The following NCBP1 variants were observed in gnomAD, a reference collection of about 807,000 sequenced individuals.
NCBP1 encodes the protein nuclear cap binding protein subunit 1, also known as nuclear cap-binding protein subunit 1.
In NCBP1, 16 loss-of-function variants were observed where a neutral mutation model predicts 111.7. That is an observed-to-expected ratio of 0.14 (90% confidence interval 0.10 to 0.22). NCBP1 has a LOEUF of 0.22. NCBP1 is among the 10% of genes least tolerant of loss of function. The pLI, the probability that NCBP1 is intolerant of heterozygous loss-of-function variation, is 1.00. For missense variants in NCBP1, 607 were observed against 957.5 expected, an observed-to-expected ratio of 0.63 and a Z score of 4.83; for synonymous variants, 304 against 314.3, an observed-to-expected ratio of 0.97 and a Z score of 0.35.
chr9:97,639,435 A>C (rs1052333800), intron 1 of NCBP1, among the ~76,000 whole-genome samples: 1 of 152,210 alleles, frequency 6.6e-6, no homozygotes, highest in African/African-American at 2.4e-5. Context: ...GAATCACCAT[A>C]CATCATTTTC....
chr9:97,661,091 T>C, intron 16 of NCBP1, 23 bp downstream of exon 16: 2 of 1,609,958 alleles, frequency 1.2e-6, no homozygotes, highest in Non-Finnish European at 1.7e-6. Context: ...CAGTATTTCT[T>C]AAGTGGAACT....
intron 1 of NCBP1, among the ~76,000 whole-genome samples, chr9:97,636,662 AT>A (rs1827048531): frequency 7.0e-6 from 1 of 143,686 alleles, no homozygotes; most frequent in African/African-American, 2.5e-5. Flanking sequence ...ATATATATAT[AT>A]ATATATATAT....
chr9:97,666,925 A>G, intron 20 of NCBP1, 48 bp downstream of exon 20: 1 of 1,296,602 alleles, frequency 7.7e-7, no homozygotes, highest in Non-Finnish European at 1.1e-6. Context: ...TATACCAGAA[A>G]CTCTGGAGAG....
chr9:97,650,423 A>C lies in NCBP1; in HGVS notation c.898-80A>C, dbSNP rs1587709857. 6 of 1,027,592 alleles carry C rather than the reference A, an allele frequency of 5.8e-6. No individual in the cohort carries two copies. The East Asian group carries it at 1.5e-4, about 25-fold the overall frequency. 63.7% of individuals were successfully genotyped at this position (1,027,592 alleles called of 1,614,324 possible). Reference sequence around the variant, plus strand: ...CCCAGTTTAGTGCTTGGAACATAATAGTCTCTCAAATATTTGTTGAATAAG... The same window carrying C: ...CCCAGTTTAGTGCTTGGAACATAATCGTCTCTCAAATATTTGTTGAATAAG... On this transcript the variant is annotated intron_variant, in intron 8 of 22. Coordinates refer to ENST00000375147, the MANE Select transcript of NCBP1 (RefSeq NM_002486.5).
chr9:97,651,914 C>A (rs1211808398), intron 10 of NCBP1, among the ~76,000 whole-genome samples: 1 of 151,988 alleles, frequency 6.6e-6, no homozygotes, highest in Non-Finnish European at 1.5e-5. Flanking sequence ...TTAACTCATA[C>A]AAAAGGTTGA....
intron 2 of NCBP1, among the ~76,000 whole-genome samples, chr9:97,641,336 T>C (rs764445639): frequency 6.6e-6 from 1 of 152,134 alleles, no homozygotes; most frequent in Non-Finnish European, 1.5e-5. Context: ...TGAATTGATT[T>C]ATACTAAACC....
chr9:97,658,307 T>C (rs57940370), intron 14 of NCBP1, among the ~76,000 whole-genome samples: 3,664 of 152,326 alleles, frequency 0.024, 135 homozygotes, highest in East Asian at 0.13. Context: ...TTGGCTTCCA[T>C]TATCCTCAAT....
chr9:97,669,976 TCA>T (rs1828135074), intron 22 of NCBP1: 2 of 471,300 alleles, frequency 4.2e-6, no homozygotes, highest in Admixed American at 6.2e-5. Context: ...AGGCTGGAGT[TCA>T]GTGACACGAT....
chr9:97,669,344 G>T (rs555488027), intron 21 of NCBP1, among the ~76,000 whole-genome samples: 1 of 152,068 alleles, frequency 6.6e-6, no homozygotes, highest in Non-Finnish European at 1.5e-5. Context: ...TAGATTCCAG[G>T]AAGTAATATT....
intron 4 of NCBP1, among the ~76,000 whole-genome samples, chr9:97,644,823 A>G (rs1172651424): frequency 6.6e-6 from 1 of 152,238 alleles, no homozygotes; most frequent in African/African-American, 2.4e-5. Context: ...GCAACCATAG[A>G]CAATATGTAA....
chr9:97,651,005 G>A (rs922614739), intron 9 of NCBP1, among the ~76,000 whole-genome samples: 1 of 151,966 alleles, frequency 6.6e-6, no homozygotes, highest in African/African-American at 2.4e-5. Flanking sequence ...AGGTGGAAAT[G>A]AATATAGTAT....
rs1434178131 is a variant in NCBP1 at position 97,673,642 on chromosome 9, T to G, written c.*2443T>G. The G allele has an allele frequency of 6.6e-6, 1 of 152,212 alleles. No individual in the cohort carries two copies. The highest frequency in any genetic ancestry group is 2.4e-5 in the African/African-American group (1 of 41,448). 9.4% of individuals were successfully genotyped at this position (152,212 alleles called of 1,614,324 possible). On this transcript the variant is annotated 3_prime_UTR_variant, in exon 23 of 23. Coordinates refer to ENST00000375147, the MANE Select transcript of NCBP1 (RefSeq NM_002486.5). The stretch of plus-strand genomic sequence containing the variant: ...ATTCAACAGTTGCTGTCCCCAGTAA[T>G]GAAGTTCATACAGACAAAAGATGGC...
chr9:97,670,160 AGGCC>A, intron 22 of NCBP1: 7 of 243,324 alleles, frequency 2.9e-5, no homozygotes, highest in South Asian at 5.7e-5. Flanking sequence ...TGACCTCAGG[AGGCC>A]TCCGCCTCCC....
chr9:97,656,580 T>C (rs1234112784), intron 14 of NCBP1, among the ~76,000 whole-genome samples: 1 of 152,174 alleles, frequency 6.6e-6, no homozygotes, highest in Non-Finnish European at 1.5e-5. Context: ...AGGTGTTATA[T>C]ATGAAATGAA....
rs746257224 is a variant in NCBP1 at position 97,668,867 on chromosome 9, A to G, written c.2038A>G (p.Ser680Gly). 4 of 1,613,810 alleles carry G rather than the reference A, an allele frequency of 2.5e-6. No individual in the cohort carries two copies. Among genetic ancestry groups the G allele is most frequent in the Middle Eastern group, 1.7e-4 (1 of 6,060 alleles). The change falls in exon 21 of 23, where the codon AGC becomes GGC. Residue 680 changes from serine (S) to glycine (G), a missense_variant. Ser to Gly is a moderately conservative substitution (Grantham distance 56, BLOSUM62 0). This residue lies in a region of NCBP1 where 282 missense variants were observed against 376.5 expected (regional missense o/e 0.75). Transcript: ENST00000375147. ...ATAGCGAAGTGATGATGACGACAGA[A>G]GCAGTGACAGGAAAGACGGGGTTCT... The part of the protein sequence containing the change: ...HKRRSDDDDR[S>G]SDRKDGVLEE...
At chr9:97,671,064 A>C (rs1828176950) in intron 22 of NCBP1, 22 bp from the exon 23 acceptor site, 1 of 1,502,980 alleles carries the variant, frequency 6.7e-7, no homozygotes. Context: ...TGACCTAACT[A>C]CCCCCTTTTG....
At chr9:97,650,468 AG>A in intron 8 of NCBP1, 34 bp from the exon 9 acceptor site, 1 of 1,442,394 alleles carries the variant, frequency 6.9e-7, no homozygotes, top group Non-Finnish European at 9.6e-7. Flanking sequence ...TCTGTTTTCT[AG>A]GCCTGTAGTG....
Position 97,651,348 on chromosome 9 carries a change from T to G in NCBP1, c.1034T>G (p.Ile345Ser), listed in dbSNP as rs760681588. 6.2e-7 allele frequency: 1 copy of G among 1,613,484 alleles called. No homozygotes were observed. The highest frequency in any genetic ancestry group is 8.5e-7 in the Non-Finnish European group (1 of 1,179,696). The stretch of plus-strand genomic sequence containing the variant: ...GTGAGCTATCCAGGGAAGAACAAGA[T>G]CCCCTTGAACTACCACATAGTTGAG... ...QLVSYPGKNK[I>S]PLNYHIVEVI... is the part of the protein sequence containing the mutation. The change falls in exon 10 of 23, where the codon ATC becomes AGC. Residue 345 changes from isoleucine to serine, a missense_variant. Transcript: ENST00000375147.
intron 9 of NCBP1, among the ~76,000 whole-genome samples, chr9:97,650,890 A>G (rs915944346): frequency 9.2e-5 from 14 of 152,040 alleles, no homozygotes; most frequent in African/African-American, 3.1e-4. Context: ...GGGTTTGGAT[A>G]CCAATAGTTT....
Sources: gnomAD v4.1 joint callset for allele counts (sites outside exome capture counted in the v4.1 genomes callset) on GRCh38, gnomAD v4.1.1 for gene constraint, gnomAD v4.1.1 regional missense constraint, MANE v1.5 for transcripts, NCBI Gene and HGNC (gene_info 2026-07-23, HGNC 2026-07-21) for gene names.